The following SPHKAP variants were observed in gnomAD, a reference collection of about 807,000 sequenced individuals.
SPHKAP encodes SPHK1 interactor, AKAP domain containing, also known as A-kinase anchor protein SPHKAP.
SPHKAP carries 67 observed loss-of-function variants against 137.5 expected under a neutral mutation model. The observed-to-expected ratio is 0.49, with a 90% confidence interval of 0.40 to 0.60. The LOEUF (loss-of-function observed/expected upper bound fraction) is 0.60, where lower values mean the gene tolerates loss of function less well. Among genes scored for constraint, SPHKAP ranks in the 20% least tolerant of loss-of-function variants. The pLI, the probability that SPHKAP is intolerant of heterozygous loss-of-function variation, is 0.00. For synonymous variants in SPHKAP, 813 were observed against 785.3 expected (o/e 1.04, Z -0.59); for missense variants, 2,097 against 2,069.3 (o/e 1.01, Z -0.26).
At chr2:228,132,379 C>T (rs1306953625) in intron 1 of SPHKAP, 1 of 213,296 alleles carries the variant, frequency 4.7e-6, no homozygotes, top group Admixed American at 6.5e-5. Context: ...AGCATCTTCT[C>T]TTAAGCAAGC....
intron 7 of SPHKAP, 122 bp from the exon 8 acceptor site, chr2:227,995,816 C>A: frequency 7.7e-7 from 1 of 1,306,206 alleles, no homozygotes; most frequent in Non-Finnish European, 1.0e-6. Flanking sequence ...GCAGAGTCTC[C>A]CTGGGCTGAT....
chr2:228,057,771 G>T (rs1696498518), intron 3 of SPHKAP, among the ~76,000 whole-genome samples: 1 of 152,144 alleles, frequency 6.6e-6, no homozygotes, highest in African/African-American at 2.4e-5. Flanking sequence ...CCAGTGGGAT[G>T]AACAGGTTTC....
At chr2:228,079,622 AT>A (rs1321923199) in intron 3 of SPHKAP, among the ~76,000 whole-genome samples, 1 of 152,214 alleles carries the variant, frequency 6.6e-6, no homozygotes. Context: ...TGCCAGGGCC[AT>A]TCCAGTGCCT....
chr2:228,009,308 T>G (rs939765449), intron 7 of SPHKAP, among the ~76,000 whole-genome samples: 1 of 152,196 alleles, frequency 6.6e-6, no homozygotes, highest in Admixed American at 6.5e-5. Flanking sequence ...CTTTATGATT[T>G]GCTTTTAATA....
intron 7 of SPHKAP, among the ~76,000 whole-genome samples, chr2:228,003,122 A>T (rs1211570366): frequency 2.6e-5 from 4 of 152,174 alleles, no homozygotes; most frequent in African/African-American, 9.7e-5. Flanking sequence ...TGGTAGCTTG[A>T]TGGGGATGGC....
intron 3 of SPHKAP, among the ~76,000 whole-genome samples, chr2:228,049,101 C>T (rs1232944488): frequency 6.6e-6 from 1 of 152,060 alleles, no homozygotes; most frequent in Non-Finnish European, 1.5e-5. Flanking sequence ...CATATCCTTG[C>T]CCATAAAATG....
chr2:228,163,543 C>T (rs554063996), intron 1 of SPHKAP, among the ~76,000 whole-genome samples: 1 of 152,142 alleles, frequency 6.6e-6, no homozygotes, highest in Admixed American at 6.6e-5. Context: ...CCCACTCCAT[C>T]CTTTCCTCAG....
intron 3 of SPHKAP, among the ~76,000 whole-genome samples, chr2:228,081,459 G>T (rs1192882450): frequency 6.6e-6 from 1 of 152,088 alleles, no homozygotes; most frequent in Admixed American, 6.5e-5. Flanking sequence ...AATCCAAAGG[G>T]TATGAAATAA....
At chr2:228,006,781 C>T (rs1224417715) in intron 7 of SPHKAP, among the ~76,000 whole-genome samples, 2 of 152,204 alleles carry the variant, frequency 1.3e-5, no homozygotes, top group Non-Finnish European at 2.9e-5. Flanking sequence ...AGCTGCAGGT[C>T]TGTTGGAGTT....
At chr2:228,044,972 A>T (rs996809617) in intron 3 of SPHKAP, among the ~76,000 whole-genome samples, 1 of 152,198 alleles carries the variant, frequency 6.6e-6, no homozygotes, top group Non-Finnish European at 1.5e-5. Flanking sequence ...GAAGACATTT[A>T]TGCAGCCAAA....
intron 1 of SPHKAP, among the ~76,000 whole-genome samples, chr2:228,140,465 C>G (rs1037793932): frequency 6.6e-6 from 1 of 152,116 alleles, no homozygotes; most frequent in Non-Finnish European, 1.5e-5. Flanking sequence ...CTTCTTCATA[C>G]TACTTCTAAC....
At chr2:228,136,244 A>T (rs902701415) in intron 1 of SPHKAP, among the ~76,000 whole-genome samples, 3 of 152,150 alleles carry the variant, frequency 2.0e-5, no homozygotes, top group Non-Finnish European at 4.4e-5. Context: ...TTTGATTTTG[A>T]CAAGTGTTGA....
intron 3 of SPHKAP, among the ~76,000 whole-genome samples, chr2:228,043,159 T>C (rs1198162900): frequency 6.6e-6 from 1 of 152,106 alleles, no homozygotes; most frequent in African/African-American, 2.4e-5. Context: ...AGATCCTTTA[T>C]TATTAGAGAA....
intron 7 of SPHKAP, 133 bp downstream of exon 7, chr2:228,016,268 CATTTT>C (rs1694585115): frequency 4.1e-6 from 5 of 1,225,024 alleles, no homozygotes; most frequent in Middle Eastern, 2.4e-4. Flanking sequence ...CTCATTAACT[CATTTT>C]TTTTTTTTTT....
intron 8 of SPHKAP, chr2:227,994,006 A>C: frequency 1.0e-6 from 1 of 979,302 alleles, no homozygotes; most frequent in Non-Finnish European, 1.2e-6. Context: ...GGACACCTGC[A>C]GAGATGAAGG....
rs900360422 is a variant in SPHKAP at position 228,171,934 on chromosome 2, A to G, written c.32+9633T>C. Among the ~76,000 whole-genome samples, 4 of 152,246 alleles carry G rather than the reference A, an allele frequency of 2.6e-5. No homozygotes were observed. In the South Asian group the frequency reaches 8.3e-4, roughly 32 times the overall value. On this transcript the variant is annotated intron_variant, in intron 1 of 11. Coordinates refer to ENST00000392056, the MANE Select transcript of SPHKAP (RefSeq NM_001142644.2). ...CTAGCACAGATGCATCTAACATGAG[A>G]TTTAGCATCTAATGTCATTGTTTAT...
At chr2:228,130,868 T>G (rs1056617803) in intron 2 of SPHKAP, among the ~76,000 whole-genome samples, 9 of 152,162 alleles carry the variant, frequency 5.9e-5, no homozygotes, top group Admixed American at 2.0e-4. Flanking sequence ...GAAAGAATAA[T>G]AGATCATACA....
chr2:228,134,242 AAGGAAGG>A (rs1699364964), intron 1 of SPHKAP, among the ~76,000 whole-genome samples: 2 of 96,956 alleles, frequency 2.1e-5, no homozygotes, highest in Non-Finnish European at 4.0e-5. Context: ...GGGAGGAAGG[AAGGAAGG>A]AAGGAAGGAA....
intron 1 of SPHKAP, among the ~76,000 whole-genome samples, chr2:228,179,832 C>T (rs1476760865): frequency 6.6e-6 from 1 of 152,052 alleles, no homozygotes; most frequent in African/African-American, 2.4e-5. Context: ...GAAAATGTTC[C>T]GGTATTTGAA....
Sources: allele counts gnomAD v4.1 joint callset (sites outside exome capture counted in the v4.1 genomes callset), GRCh38; gene constraint gnomAD v4.1.1; transcripts MANE v1.5; gene names NCBI Gene and HGNC (gene_info 2026-07-23, HGNC 2026-07-21).